The following FMN1 variants were observed in gnomAD, a reference collection of about 807,000 sequenced individuals.
FMN1 encodes the protein formin 1.
Under a neutral mutation model 132.4 loss-of-function variants are expected in FMN1, and 110 were observed. The ratio of observed to expected loss-of-function variants is 0.83; its 90% confidence interval spans 0.71 to 0.97. The LOEUF is 0.97. FMN1 is among the 50% of genes least tolerant of loss of function. The probability of loss-of-function intolerance (pLI) is 0.00; values close to 1 mark genes in which losing one functional copy is unlikely to be tolerated. For missense variants in FMN1, 1,792 were observed against 1,705.3 expected, an observed-to-expected ratio of 1.05 and a Z score of -0.90; for synonymous variants, 722 against 651.7, an observed-to-expected ratio of 1.11 and a Z score of -1.64.
chr15:33,151,134 C>T (rs1034992846), intron 4 of FMN1: 2 of 1,426,844 alleles, frequency 1.4e-6, no homozygotes, highest in African/African-American at 2.9e-5. Context: ...GGATACAAAT[C>T]AAAGGTACTA....
chr15:32,803,526 C>G (rs2057552499), intron 18 of FMN1, among the ~76,000 whole-genome samples: 1 of 152,150 alleles, frequency 6.6e-6, no homozygotes. Context: ...TGAATCTGAA[C>G]AGAAGATCTC....
intron 9 of FMN1, among the ~76,000 whole-genome samples, chr15:32,948,119 T>TAA (rs1314381352): frequency 6.6e-6 from 1 of 152,000 alleles, no homozygotes; most frequent in Non-Finnish European, 1.5e-5. Flanking sequence ...CTTACAATCT[T>TAA]AGTTACAAAA....
intron 17 of FMN1, among the ~76,000 whole-genome samples, chr15:32,826,600 G>A (rs1449836732): frequency 5.9e-5 from 9 of 152,114 alleles, no homozygotes; most frequent in Non-Finnish European, 1.2e-4. Context: ...AACAACAAGG[G>A]AGTCTCTCTT....
chr15:33,101,226 CACTG>C (rs1029783155), intron 4 of FMN1, among the ~76,000 whole-genome samples: 14 of 152,284 alleles, frequency 9.2e-5, no homozygotes, highest in Admixed American at 5.2e-4. Context: ...CCAAATCTGG[CACTG>C]ACTATCTGCC....
In FMN1 at chr15:32,774,291, A is replaced by C; in HGVS notation, c.*19T>G. 1 of 1,596,254 alleles carries C rather than the reference A, an allele frequency of 6.3e-7. No individual in the cohort carries two copies. Among genetic ancestry groups the C allele is most frequent in the East Asian group, 2.2e-5 (1 of 44,644 alleles). ...AAGGTCCTCCACCTCCAGTGCCATC[A>C]TTTCCATGTGTCTTCATCTTAGTTA... is the stretch of plus-strand genomic sequence containing the variant. On this transcript the variant is annotated 3_prime_UTR_variant, in exon 21 of 21. Transcript: ENST00000616417.
In FMN1 at chr15:33,178,838, G is replaced by T. The variant is rs114092479; in HGVS notation, c.-132+1360C>A. Among the ~76,000 whole-genome samples, 739 of 152,272 alleles carry T rather than the reference G, an allele frequency of 4.9e-3. 6 individuals are homozygous for T. The highest frequency in any genetic ancestry group is 0.017 in the African/African-American group (711 of 41,532). On this transcript the variant is annotated intron_variant, in intron 3 of 20. Coordinates refer to ENST00000616417, the MANE Select transcript of FMN1 (RefSeq NM_001277313.2). ...ATACACCCTGCCTTCTATTGGCAAT[G>T]AACCTTTTGCAATGTATTGTTCCTA...
At position 32,999,585 on chromosome 15, in the gene FMN1, A is replaced by G. The variant is rs560390703; in HGVS notation, c.2223+8429T>C. ...AATGTGACTGCATTGCACAATGAGC[A>G]GGGGGCCTGCCAGAGGCCATCGCTC... On this transcript the variant is annotated intron_variant, in intron 7 of 20. Transcript: ENST00000616417. Among the ~76,000 whole-genome samples the G allele has an allele frequency of 8.5e-5, 13 of 152,372 alleles. No individual in the cohort carries two copies. In the South Asian group the frequency reaches 2.5e-3, roughly 29 times the overall value.
At chr15:32,844,653 A>G (rs1406176089) in intron 17 of FMN1, among the ~76,000 whole-genome samples, 1 of 152,162 alleles carries the variant, frequency 6.6e-6, no homozygotes, top group African/African-American at 2.4e-5. Context: ...CTTCTGGCTT[A>G]TTTTTAGAAG....
chr15:32,865,530 C>A (rs755785309), intron 16 of FMN1, among the ~76,000 whole-genome samples: 6 of 152,072 alleles, frequency 3.9e-5, no homozygotes, highest in Non-Finnish European at 8.8e-5. Context: ...AAAGTAGCAA[C>A]AAACGTTATT....
intron 16 of FMN1, among the ~76,000 whole-genome samples, chr15:32,864,671 A>T (rs1662323344): frequency 6.6e-6 from 1 of 152,246 alleles, no homozygotes; most frequent in African/African-American, 2.4e-5. Context: ...AACCCAGGTC[A>T]AAATATTATC....
intron 7 of FMN1, among the ~76,000 whole-genome samples, chr15:33,002,842 G>T (rs187611218): frequency 7.7e-4 from 117 of 152,258 alleles, no homozygotes; most frequent in African/African-American, 2.8e-3. Flanking sequence ...GAGGGTTGCT[G>T]GTTTCCTACT....
chr15:33,049,110 GT>G (rs2036851407), intron 6 of FMN1, among the ~76,000 whole-genome samples: 1 of 152,310 alleles, frequency 6.6e-6, no homozygotes, highest in African/African-American at 2.4e-5. Context: ...AATTCTCTGT[GT>G]GAACCTATTG....
chr15:33,049,845 A>G (rs1017708572), intron 6 of FMN1, among the ~76,000 whole-genome samples: 3 of 152,214 alleles, frequency 2.0e-5, no homozygotes, highest in African/African-American at 2.4e-5. Context: ...TTTGCTGTCT[A>G]TAATTGTTGT....
At chr15:33,014,829 G>A (rs1446259972) in intron 6 of FMN1, among the ~76,000 whole-genome samples, 1 of 152,170 alleles carries the variant, frequency 6.6e-6, no homozygotes, top group African/African-American at 2.4e-5. Flanking sequence ...CAGAATTACA[G>A]ATGATTCCAC....
At chr15:32,979,997 G>C (rs1469720140) in intron 7 of FMN1, among the ~76,000 whole-genome samples, 1 of 152,188 alleles carries the variant, frequency 6.6e-6, no homozygotes, top group African/African-American at 2.4e-5. Context: ...CCAGGGATTA[G>C]TCACTTGAGA....
intron 6 of FMN1, among the ~76,000 whole-genome samples, chr15:33,049,838 G>A (rs1473000111): frequency 1.3e-5 from 2 of 152,126 alleles, no homozygotes; most frequent in East Asian, 1.9e-4. Flanking sequence ...CTTTCCTTTT[G>A]CTGTCTATAA....
At position 32,767,955 on chromosome 15, in the gene FMN1, GAAGA is replaced by G. The variant is rs1258529831; in HGVS notation, c.*6351_*6354del. The G allele has an allele frequency of 3.6e-4, 55 of 152,160 alleles. No homozygotes were observed. The highest frequency in any genetic ancestry group is 3.5e-3 in the Admixed American group (54 of 15,278). 9.4% of individuals were successfully genotyped at this position (152,160 alleles called of 1,614,324 possible). A position where few individuals can be genotyped will look rare whatever the true frequency, so the allele number is the denominator to read the frequency against. On this transcript the variant is annotated 3_prime_UTR_variant, in exon 21 of 21. Transcript: ENST00000616417. ...CTTTATGCCTTGTGGTCCAATGTAT[GAAGA>G]AATAAGATTTTATCTAGAGACAAGT...
intron 16 of FMN1, among the ~76,000 whole-genome samples, chr15:32,861,244 C>G (rs2059261394): frequency 6.6e-6 from 1 of 152,204 alleles, no homozygotes; most frequent in Admixed American, 6.5e-5. Flanking sequence ...AAGGTTACTT[C>G]TCCCTGGTGA....
intron 17 of FMN1, among the ~76,000 whole-genome samples, chr15:32,833,029 A>G (rs931380748): frequency 6.6e-6 from 1 of 151,886 alleles, no homozygotes; most frequent in Non-Finnish European, 1.5e-5. Context: ...CCTTTTTCCC[A>G]CTTTACAACT....
Sources: gnomAD v4.1 joint callset for allele counts (sites outside exome capture counted in the v4.1 genomes callset) on GRCh38, gnomAD v4.1.1 for gene constraint, MANE v1.5 for transcripts, NCBI Gene and HGNC (gene_info 2026-07-23, HGNC 2026-07-21) for gene names.